Variants in KIAA1191 observed in about 807,000 individuals in gnomAD.
KIAA1191 encodes KIAA1191.
In KIAA1191, 22 loss-of-function variants were observed where a neutral mutation model predicts 31.1. That is an observed-to-expected ratio of 0.71 (90% confidence interval 0.51 to 1.01). The LOEUF is 1.01. Ranked by LOEUF, KIAA1191 falls within the 50% of genes least tolerant of loss-of-function variation. KIAA1191 has a pLI of 0.00. For synonymous variants in KIAA1191, 130 were observed against 143.9 expected, an observed-to-expected ratio of 0.90 and a Z score of 0.69; for missense variants, 319 against 388.0, an observed-to-expected ratio of 0.82 and a Z score of 1.49.
chr5:176,356,547 G>T (rs1337759407), intron 3 of KIAA1191, among the ~76,000 whole-genome samples: 1 of 152,162 alleles, frequency 6.6e-6, no homozygotes, highest in Admixed American at 6.5e-5. Context: ...TTCCATCACA[G>T]AAATTATTGA....
At position 176,355,766 on chromosome 5, in the gene KIAA1191, C is replaced by T; in HGVS notation, c.29-17G>A. On this transcript the variant is annotated splice_polypyrimidine_tract_variant and intron_variant, in intron 3 of 8. Transcript: ENST00000298569. This position sits in a 1 kb window ranked among gnomAD's most constrained non-coding sequence, Gnocchi z 4.2. Reference sequence around the variant, plus strand: ...CCTCAAGAGCTAAGAACAGAGACACCTGTCAAGACAGGTTCAGCAACTGGA... The same window carrying T: ...CCTCAAGAGCTAAGAACAGAGACACTTGTCAAGACAGGTTCAGCAACTGGA... 1.9e-6 allele frequency: 3 copies of T among 1,613,558 alleles called. No individual in the cohort carries two copies. The highest frequency in any genetic ancestry group is 2.5e-6 in the Non-Finnish European group (3 of 1,179,636).
chr5:176,347,412 G>A lies in KIAA1191; in HGVS notation c.*188C>T, dbSNP rs1422882425. 8.1e-6 allele frequency: 3 copies of A among 371,490 alleles called. No homozygotes were observed. Among genetic ancestry groups the A allele is most frequent in the Non-Finnish European group, 1.4e-5 (3 of 210,426 alleles). 23.0% of individuals were successfully genotyped at this position (371,490 alleles called of 1,614,324 possible). ...AGACGGGGTTTCACCATGTTGGCCAGGCTGGTCTTGAACTCCTGACCTCAG... is the reference window on the plus strand; with the variant it reads ...AGACGGGGTTTCACCATGTTGGCCAAGCTGGTCTTGAACTCCTGACCTCAG... On this transcript the variant is annotated 3_prime_UTR_variant, in exon 9 of 9. Transcript: ENST00000298569.
chr5:176,359,584 G>A lies in KIAA1191; in HGVS notation c.-59-17C>T, dbSNP rs1319073324. 15 of 1,180,092 alleles carry A rather than the reference G, an allele frequency of 1.3e-5. No homozygotes were observed. Among genetic ancestry groups the A allele is most frequent in the South Asian group, 2.4e-5 (2 of 82,114 alleles). The allele number at this position is 1,180,092 out of a possible 1,614,324, so 73.1% of individuals were successfully genotyped here. A position where few individuals can be genotyped will look rare whatever the true frequency, so the allele number is the denominator to read the frequency against. ...CCCTGCCACCTAATAAAATAACAAA[G>A]GGCATTTTCTTATGGTGAGCAGCAC... On this transcript the variant is annotated splice_polypyrimidine_tract_variant and intron_variant, in intron 2 of 8. Coordinates refer to ENST00000298569, the MANE Select transcript of KIAA1191 (RefSeq NM_020444.5).
chr5:176,352,846 T>A, intron 4 of KIAA1191, 98 bp from the exon 5 acceptor site: 1 of 1,293,812 alleles, frequency 7.7e-7, no homozygotes. Flanking sequence ...GAAATAACAT[T>A]AATCTGGTAA....
intron 5 of KIAA1191, among the ~76,000 whole-genome samples, chr5:176,352,092 A>G (rs968251015): frequency 6.6e-6 from 1 of 151,486 alleles, no homozygotes; most frequent in African/African-American, 2.4e-5. Flanking sequence ...CCAATCATAC[A>G]TTCTTAAGAC....
intron 3 of KIAA1191, among the ~76,000 whole-genome samples, chr5:176,358,880 C>T (rs927546968): frequency 2.0e-5 from 3 of 151,974 alleles, no homozygotes; most frequent in Admixed American, 1.3e-4. Flanking sequence ...GTCAAGAAAT[C>T]GAGACCATCC....
At chr5:176,353,988 C>A (rs1287856658) in intron 4 of KIAA1191, among the ~76,000 whole-genome samples, 1 of 152,218 alleles carries the variant, frequency 6.6e-6, no homozygotes, top group African/African-American at 2.4e-5. Flanking sequence ...GAGGGAATAT[C>A]CCCCAGAGCT....
intron 3 of KIAA1191, among the ~76,000 whole-genome samples, chr5:176,358,812 C>T (rs964580820): frequency 1.3e-5 from 2 of 151,986 alleles, no homozygotes; most frequent in African/African-American, 4.8e-5. Flanking sequence ...CCGCCGGGCA[C>T]GGTGGCTCAC....
In KIAA1191 at chr5:176,348,497, CAGGT is replaced by C. The variant is rs1182096538; in HGVS notation, c.460-145_460-142del. On this transcript the variant is annotated intron_variant, in intron 6 of 8. Coordinates refer to ENST00000298569, the MANE Select transcript of KIAA1191 (RefSeq NM_020444.5). ...GGTGGAATGATTTCGGATGATCTAACAGGTAGTCCTTTGTTTTTGCCATACTAGA... is the reference window on the plus strand; with the variant it reads ...GGTGGAATGATTTCGGATGATCTAACAGTCCTTTGTTTTTGCCATACTAGA... 10 of 621,910 alleles carry C rather than the reference CAGGT, an allele frequency of 1.6e-5. No individual in the cohort carries two copies. The East Asian group carries it at 2.7e-4, about 17-fold the overall frequency. The allele number at this position is 621,910 out of a possible 1,614,324, so 38.5% of individuals were successfully genotyped here. A position where few individuals can be genotyped will look rare whatever the true frequency, so the allele number is the denominator to read the frequency against.
At chr5:176,352,831 T>C (rs1371844157) in intron 4 of KIAA1191, 83 bp from the exon 5 acceptor site, 2 of 1,405,970 alleles carry the variant, frequency 1.4e-6, no homozygotes, top group Non-Finnish European at 9.5e-7. Context: ...GGGGAGGAAG[T>C]TACTGAAATA....
Position 176,347,537 on chromosome 5 carries a change from C to G in KIAA1191, c.*63G>C. ...TAAATATACCTTTCCTATGTCAAAG[C>G]CAAGGTAAAAGGGGAGTGGGATGCA... On this transcript the variant is annotated 3_prime_UTR_variant, in exon 9 of 9. Transcript: ENST00000298569. The G allele has an allele frequency of 2.3e-6, 3 of 1,289,606 alleles. No homozygotes were observed. The highest frequency in any genetic ancestry group is 3.1e-6 in the Non-Finnish European group (3 of 959,276). 79.9% of individuals were successfully genotyped at this position (1,289,606 alleles called of 1,614,324 possible). A position where few individuals can be genotyped will look rare whatever the true frequency, so the allele number is the denominator to read the frequency against.
At chr5:176,358,591 C>A (rs1429887724) in intron 3 of KIAA1191, among the ~76,000 whole-genome samples, 1 of 152,176 alleles carries the variant, frequency 6.6e-6, no homozygotes, top group Non-Finnish European at 1.5e-5. Context: ...TGGCAGGCAG[C>A]TGTAATCCCA....
chr5:176,358,928 C>T (rs1362471907), intron 3 of KIAA1191, among the ~76,000 whole-genome samples: 1 of 151,008 alleles, frequency 6.6e-6, no homozygotes, highest in Non-Finnish European at 1.5e-5. Flanking sequence ...ACTAAAAATA[C>T]AAAAAATTAG....
chr5:176,348,112 C>T (rs1456944748), intron 7 of KIAA1191, 49 bp from the exon 8 acceptor site: 32 of 1,607,690 alleles, frequency 2.0e-5, no homozygotes, highest in Non-Finnish European at 2.7e-5. Flanking sequence ...TTCCTTCGCC[C>T]CTAGAAATGT....
chr5:176,351,027 T>G (rs1766945876), intron 5 of KIAA1191, among the ~76,000 whole-genome samples: 1 of 152,104 alleles, frequency 6.6e-6, no homozygotes, highest in Admixed American at 6.6e-5. Flanking sequence ...TTGTACATGG[T>G]GACATTTTCT....
chr5:176,348,405 C>G, intron 6 of KIAA1191, 49 bp from the exon 7 acceptor site: 2 of 1,433,850 alleles, frequency 1.4e-6, no homozygotes, highest in Non-Finnish European at 2.0e-6. Context: ...AAAGCAAATT[C>G]CAAACAGATA....
chr5:176,347,809 C>G lies in KIAA1191; in HGVS notation c.710-1G>C. On this transcript the variant is annotated splice_acceptor_variant, in intron 8 of 8. Transcript: ENST00000298569. LOFTEE classifies it high-confidence loss of function. ...CGGTAGGCCTGGGTGGCAAAACTTC[C>G]TACAAAAGTGAACCAGAGTGCAAAT... 1 of 1,600,364 alleles carries G rather than the reference C, an allele frequency of 6.2e-7. No individual in the cohort carries two copies. The highest frequency in any genetic ancestry group is 8.5e-7 in the Non-Finnish European group (1 of 1,173,138).
At position 176,347,819 on chromosome 5, in the gene KIAA1191, G is replaced by A; in HGVS notation, c.710-11C>T. The A allele has an allele frequency of 6.2e-7, 1 of 1,601,216 alleles. No individual in the cohort carries two copies. Among genetic ancestry groups the A allele is most frequent in the East Asian group, 2.2e-5 (1 of 44,732 alleles). On this transcript the variant is annotated splice_polypyrimidine_tract_variant and intron_variant, in intron 8 of 8. Transcript: ENST00000298569. ...GGGTGGCAAAACTTCCTACAAAAGTGAACCAGAGTGCAAATGATTTCAAAA... is the reference window on the plus strand; with the variant it reads ...GGGTGGCAAAACTTCCTACAAAAGTAAACCAGAGTGCAAATGATTTCAAAA...
chr5:176,354,968 G>A (rs1767374629), intron 4 of KIAA1191, among the ~76,000 whole-genome samples: 1 of 152,168 alleles, frequency 6.6e-6, no homozygotes, highest in Non-Finnish European at 1.5e-5. Context: ...AATGGAGTGG[G>A]AGAAAAGGTG....
Sources: gnomAD v4.1 joint callset for allele counts (sites outside exome capture counted in the v4.1 genomes callset) on GRCh38, gnomAD v4.1.1 for gene constraint, Gnocchi (gnomAD v3.1) non-coding constraint, MANE v1.5 for transcripts, NCBI Gene and HGNC (gene_info 2026-07-23, HGNC 2026-07-21) for gene names.